Variants in TCTN3 observed in about 807,000 individuals in gnomAD.
TCTN3 encodes tectonic-3.
TCTN3 carries 57 observed loss-of-function variants against 71.3 expected under a neutral mutation model. The ratio of observed to expected loss-of-function variants is 0.80; its 90% confidence interval spans 0.65 to 1.00. The LOEUF is 1.00. TCTN3 is among the 50% of genes least tolerant of loss of function. TCTN3 has a pLI of 0.00. For synonymous variants in TCTN3, 258 were observed against 267.8 expected, an observed-to-expected ratio of 0.96 and a Z score of 0.36; for missense variants, 696 against 719.9, an observed-to-expected ratio of 0.97 and a Z score of 0.38.
intron 13 of TCTN3, among the ~76,000 whole-genome samples, chr10:95,665,601 A>T (rs1241660356): frequency 3.3e-5 from 5 of 151,770 alleles, no homozygotes; most frequent in African/African-American, 7.3e-5. Context: ...TTATTATTAT[A>T]TTTTTTTGTA....
Position 95,663,892 on chromosome 10 carries a change from AT to A in TCTN3, c.*174del. 3.3e-6 allele frequency: 2 copies of A among 606,608 alleles called. No homozygotes were observed. The highest frequency in any genetic ancestry group is 5.8e-6 in the Non-Finnish European group (2 of 344,846). 37.6% of individuals were successfully genotyped at this position (606,608 alleles called of 1,614,324 possible). ...AGCAGAGAGCTATGATGAATAAAAT[AT>A]TTTTATTGCTTTTCTAAAATAACTC... On this transcript the variant is annotated 3_prime_UTR_variant, in exon 14 of 14. Transcript: ENST00000371217.
At position 95,682,759 on chromosome 10, in the gene TCTN3, C is replaced by T. The variant is rs760904717; in HGVS notation, c.1344G>A (p.Gln448=). 2.5e-6 allele frequency: 4 copies of T among 1,614,144 alleles called. No homozygotes were observed. In the South Asian group the frequency reaches 4.4e-5, roughly 18 times the overall value. The part of the protein sequence containing the change: ...DCSHLQQEIY[Q]TLHGRPRPEY... ...CTGGTCTGGGCCTTCCATGAAGAGT[C>T]TGATAAATCTCCTGCTGCAAGTGGC... Residue 448 remains glutamine (Q), a synonymous_variant, in exon 12 of 14, where the codon CAG becomes CAA. Transcript: ENST00000371217.
At chr10:95,667,931 GA>G (rs1283071752) in intron 13 of TCTN3, among the ~76,000 whole-genome samples, 1 of 152,038 alleles carries the variant, frequency 6.6e-6, no homozygotes, top group Non-Finnish European at 1.5e-5. Flanking sequence ...CAAACATGCG[GA>G]AAGTTTCTCA....
intron 3 of TCTN3, 136 bp from the exon 4 acceptor site, chr10:95,687,855 A>G (rs2097949957): frequency 9.8e-7 from 1 of 1,020,020 alleles, no homozygotes; most frequent in African/African-American, 1.6e-5. Context: ...ATTTTTACAA[A>G]TTTATATACT....
chr10:95,680,419 A>C lies in TCTN3; in HGVS notation c.1590+53T>G, dbSNP rs574043630. 3.9e-6 allele frequency: 6 copies of C among 1,537,612 alleles called. No homozygotes were observed. In the Admixed American group the frequency reaches 1.1e-4, roughly 28 times the overall value. ...ATTATTTGGTTAACAAATGACTGAT[A>C]AGACAATCTAGGCTTTGCAAGGTTT... On this transcript the variant is annotated intron_variant, in intron 13 of 13. Coordinates refer to ENST00000371217, the MANE Select transcript of TCTN3 (RefSeq NM_015631.6).
chr10:95,693,136 A>G, intron 2 of TCTN3, 98 bp from the exon 3 acceptor site: 1 of 1,183,072 alleles, frequency 8.5e-7, no homozygotes, highest in Non-Finnish European at 1.2e-6. Context: ...GCCAAAGAGG[A>G]CTCCTTGGGC....
chr10:95,687,455 C>T (rs1020380990), intron 4 of TCTN3, 100 bp from the exon 5 acceptor site: 102 of 1,503,872 alleles, frequency 6.8e-5, no homozygotes, highest in Non-Finnish European at 9.0e-5. Flanking sequence ...GGCATGATTA[C>T]GTGGACAGTA....
intron 13 of TCTN3, among the ~76,000 whole-genome samples, chr10:95,673,772 C>T (rs1589606040): frequency 6.6e-6 from 1 of 152,096 alleles, no homozygotes; most frequent in South Asian, 2.1e-4. Context: ...CCTAGGAATT[C>T]GAGGCTGCAG....
At position 95,683,561 on chromosome 10, in the gene TCTN3, C is replaced by G. The variant is rs759892719; in HGVS notation, c.1164G>C (p.Gly388=). Residue 388 remains glycine, a synonymous_variant, in exon 10 of 14, where the codon GGG becomes GGC. Transcript: ENST00000371217. ...CATCAGTCAGAGCCAAGAGTGGCTT[C>G]CCAACTATATAGCCAGGATTCCCAC... ...PRSGNPGYIV[G]KPLLALTDDI... is the part of the protein sequence containing the mutation. The G allele has an allele frequency of 1.4e-5, 22 of 1,613,116 alleles. No homozygotes were observed. Among genetic ancestry groups the G allele is most frequent in the Non-Finnish European group, 1.9e-5 (22 of 1,179,898 alleles).
intron 13 of TCTN3, among the ~76,000 whole-genome samples, chr10:95,664,631 G>A (rs537045426): frequency 2.6e-5 from 4 of 152,184 alleles, no homozygotes; most frequent in Non-Finnish European, 5.9e-5. Context: ...CTATCAGAAG[G>A]CTCCAGGCTC....
chr10:95,663,846 C>G lies in TCTN3; in HGVS notation c.*221G>C. On this transcript the variant is annotated 3_prime_UTR_variant, in exon 14 of 14. Transcript: ENST00000371217. Reference sequence around the variant, plus strand: ...TGAGAAGTAGGGGCCTCATGTGTATCTGGTGGCCTGCAGAGCCCAAAGCAG... The same window carrying G: ...TGAGAAGTAGGGGCCTCATGTGTATGTGGTGGCCTGCAGAGCCCAAAGCAG... 1 of 476,480 alleles carries G rather than the reference C, an allele frequency of 2.1e-6. No homozygotes were observed. The highest frequency in any genetic ancestry group is 3.8e-6 in the Non-Finnish European group (1 of 263,078). 29.5% of individuals were successfully genotyped at this position (476,480 alleles called of 1,614,324 possible). A position where few individuals can be genotyped will look rare whatever the true frequency, so the allele number is the denominator to read the frequency against.
chr10:95,670,536 AT>A (rs908806919), intron 13 of TCTN3, among the ~76,000 whole-genome samples: 107 of 147,234 alleles, frequency 7.3e-4, no homozygotes, highest in African/African-American at 2.1e-3. Context: ...TTTTTTGTAT[AT>A]TTTTTTTTTT....
chr10:95,665,751 A>C (rs114751135), intron 13 of TCTN3, among the ~76,000 whole-genome samples: 41 of 152,272 alleles, frequency 2.7e-4, no homozygotes, highest in African/African-American at 9.9e-4. Context: ...GGGTGAATGA[A>C]GAAAATCTTC....
At chr10:95,675,408 A>G (rs867731871) in intron 13 of TCTN3, among the ~76,000 whole-genome samples, 1 of 152,312 alleles carries the variant, frequency 6.6e-6, no homozygotes, top group Middle Eastern at 3.4e-3. Flanking sequence ...ATATTTTAAC[A>G]TAGGAAACAT....
rs2097948454 is a variant in TCTN3 at position 95,686,524 on chromosome 10, T to C, written c.859A>G (p.Arg287Gly). The C allele has an allele frequency of 1.2e-6, 2 of 1,614,144 alleles. No homozygotes were observed. Among genetic ancestry groups the C allele is most frequent in the Non-Finnish European group, 1.7e-6 (2 of 1,180,002 alleles). The change falls in exon 7 of 14, where the codon AGA becomes GGA. Residue 287 changes from arginine to glycine, a missense_variant. Physicochemically the swap from Arg to Gly is moderately radical, Grantham distance 125. Coordinates refer to ENST00000371217, the MANE Select transcript of TCTN3 (RefSeq NM_015631.6). ...ATATTCTGTGGATCAGTCATGCTTC[T>C]TGGAACCTAGGAGAACAGCAGGGAC... ...YYNFTVLKVP[R>G]SMTDPQNMEF...
intron 13 of TCTN3, among the ~76,000 whole-genome samples, chr10:95,673,817 G>T (rs765278201): frequency 6.6e-5 from 10 of 152,194 alleles, no homozygotes; most frequent in Non-Finnish European, 1.5e-4. Context: ...TCCAGCCTGG[G>T]CTGTAACACA....
intron 3 of TCTN3, among the ~76,000 whole-genome samples, chr10:95,692,396 C>T (rs377275955): frequency 6.6e-6 from 1 of 152,066 alleles, no homozygotes; most frequent in African/African-American, 2.4e-5. Flanking sequence ...GTCCCAGCTA[C>T]TCGGGAAGCT....
At chr10:95,673,501 T>C (rs768207531) in intron 13 of TCTN3, among the ~76,000 whole-genome samples, 2 of 152,154 alleles carry the variant, frequency 1.3e-5, no homozygotes, top group African/African-American at 2.4e-5. Context: ...ATGAGCTCTT[T>C]AATAGTGAAT....
chr10:95,676,751 A>G (rs1327322129), intron 13 of TCTN3, among the ~76,000 whole-genome samples: 1 of 152,168 alleles, frequency 6.6e-6, no homozygotes, highest in Non-Finnish European at 1.5e-5. Flanking sequence ...CGCTACTTCT[A>G]TAGAAGCTTG....
Sources: allele counts gnomAD v4.1 joint callset (sites outside exome capture counted in the v4.1 genomes callset), GRCh38; gene constraint gnomAD v4.1.1; transcripts MANE v1.5; gene names NCBI Gene and HGNC (gene_info 2026-07-23, HGNC 2026-07-21).